COP1: variants seen among roughly 807,000 people sequenced by gnomAD.
COP1 encodes E3 ubiquitin-protein ligase COP1.
In COP1, 24 loss-of-function variants were observed where a neutral mutation model predicts 101.3. The ratio of observed to expected loss-of-function variants is 0.24; its 90% CI spans 0.17 to 0.33. The LOEUF is 0.33. Ranked by LOEUF, COP1 falls within the 10% of genes least tolerant of loss-of-function variation. COP1 has a pLI of 1.00. For synonymous variants in COP1, 347 were observed against 341.9 expected (o/e 1.01, Z -0.17); for missense variants, 663 against 906.2 (o/e 0.73, Z 3.45).
At chr1:176,141,025 T>C (rs1313710720) in intron 6 of COP1, among the ~76,000 whole-genome samples, 1 of 152,182 alleles carries the variant, frequency 6.6e-6, no homozygotes, top group East Asian at 1.9e-4. Flanking sequence ...TGATAATGGA[T>C]TTGGTGCAGG....
chr1:176,105,299 G>A (rs1303223545), intron 9 of COP1, among the ~76,000 whole-genome samples: 1 of 152,008 alleles, frequency 6.6e-6, no homozygotes, highest in African/African-American at 2.4e-5. Flanking sequence ...AAAGTGGGGT[G>A]AAATACAAAT....
At chr1:175,948,961 G>A (rs964631977) in intron 18 of COP1, among the ~76,000 whole-genome samples, 24 of 151,830 alleles carry the variant, frequency 1.6e-4, no homozygotes, top group African/African-American at 5.8e-4. Flanking sequence ...TCAGAAGATC[G>A]AGACCATCCT....
rs141142668 is a variant in COP1 at position 176,125,002 on chromosome 1, A to G, written c.969-8321T>C. 5.1e-3 allele frequency among the ~76,000 whole-genome samples: 771 copies of G among 152,204 alleles called. 9 individuals are homozygous for G. Among genetic ancestry groups the G allele is most frequent in the African/African-American group, 0.017 (723 of 41,516 alleles). On this transcript the variant is annotated intron_variant, in intron 8 of 19. Coordinates refer to ENST00000367669, the MANE Select transcript of COP1 (RefSeq NM_022457.7). Reference sequence around the variant, plus strand: ...ATATTTCATTGTAGTTGTGATTTGCATTTCTGATGATCAATGATGTTGAAC... The same window carrying G: ...ATATTTCATTGTAGTTGTGATTTGCGTTTCTGATGATCAATGATGTTGAAC...
intron 18 of COP1, among the ~76,000 whole-genome samples, chr1:175,952,752 T>TA (rs566382438): frequency 3.3e-4 from 49 of 150,712 alleles, no homozygotes; most frequent in South Asian, 1.0e-3. Context: ...CTACTAAAAA[T>TA]AAAAAAAAAC....
At chr1:175,961,017 T>C (rs1651272962) in intron 18 of COP1, among the ~76,000 whole-genome samples, 1 of 152,180 alleles carries the variant, frequency 6.6e-6, no homozygotes, top group African/African-American at 2.4e-5. Context: ...ATTTGCTTCC[T>C]CTCTCCTGGA....
intron 1 of COP1, among the ~76,000 whole-genome samples, chr1:176,196,024 C>T (rs1288753996): frequency 6.6e-6 from 1 of 152,130 alleles, no homozygotes; most frequent in Non-Finnish European, 1.5e-5. Flanking sequence ...AATTAAACAA[C>T]ATACTTCTGA....
intron 1 of COP1, among the ~76,000 whole-genome samples, chr1:176,204,911 G>C (rs1288670235): frequency 6.6e-6 from 1 of 152,154 alleles, no homozygotes. Context: ...CTGAGTGACA[G>C]AGCAAGACTC....
intron 11 of COP1, among the ~76,000 whole-genome samples, chr1:176,055,184 A>G (rs7534058): frequency 0.4 from 60,655 of 152,152 alleles, 12,308 homozygotes; most frequent in Middle Eastern, 0.45. Context: ...CTGTAATCCC[A>G]TCACTTCGGG....
At chr1:176,089,318 A>AACAAC (rs1680857468) in intron 9 of COP1, among the ~76,000 whole-genome samples, 1 of 151,824 alleles carries the variant, frequency 6.6e-6, no homozygotes, top group South Asian at 2.1e-4. Context: ...CAACAACAAC[A>AACAAC]ACAACAACAA....
At chr1:176,028,215 T>TGAATAACA (rs1668010270) in intron 14 of COP1, among the ~76,000 whole-genome samples, 1 of 152,058 alleles carries the variant, frequency 6.6e-6, no homozygotes, top group Non-Finnish European at 1.5e-5. Context: ...ACTGAATGAC[T>TGAATAACA]GAATAACAGA....
At chr1:176,073,750 G>T (rs1342059790) in intron 11 of COP1, among the ~76,000 whole-genome samples, 1 of 152,028 alleles carries the variant, frequency 6.6e-6, no homozygotes, top group Non-Finnish European at 1.5e-5. Flanking sequence ...TGGACTGAAG[G>T]GTATGGTCTT....
chr1:176,089,809 T>G (rs1680951071), intron 9 of COP1, among the ~76,000 whole-genome samples: 1 of 152,236 alleles, frequency 6.6e-6, no homozygotes, highest in Non-Finnish European at 1.5e-5. Context: ...TGACTCTGAA[T>G]AATGTCACGA....
chr1:176,192,993 G>A (rs1699278591), intron 1 of COP1, among the ~76,000 whole-genome samples: 1 of 152,098 alleles, frequency 6.6e-6, no homozygotes, highest in South Asian at 2.1e-4. Flanking sequence ...CCTAAACACT[G>A]TATATTGCAT....
At position 176,011,662 on chromosome 1, in the gene COP1, T is replaced by A. The variant is rs368762781; in HGVS notation, c.1729+15910A>T. Among the ~76,000 whole-genome samples the A allele has an allele frequency of 4.6e-5, 7 of 152,264 alleles. No individual in the cohort carries two copies. The South Asian group carries it at 1.2e-3, about 27-fold the overall frequency. ...GTAACTGTTTTATGGCTAGAGAGAA[T>A]TTAGAAATATAACACACATAGACAT... On this transcript the variant is annotated intron_variant, in intron 15 of 19. Coordinates refer to ENST00000367669, the MANE Select transcript of COP1 (RefSeq NM_022457.7).
Position 176,063,047 on chromosome 1 carries a change from G to GTTTTTT in COP1, c.1278-16729_1278-16724dup, listed in dbSNP as rs34464104. ...GGTGGAAGAGAAAATTTTTGAAAAT[G>GTTTTTT]TTTTTTTTTTTTTTTTTTTTTTTGA... On this transcript the variant is annotated intron_variant, in intron 11 of 19. Transcript: ENST00000367669. Among the ~76,000 whole-genome samples, 164 of 90,594 alleles carry GTTTTTT rather than the reference G, an allele frequency of 1.8e-3. 4 individuals carry two copies. Among genetic ancestry groups the GTTTTTT allele is most frequent in the Non-Finnish European group, 2.2e-3 (114 of 50,938 alleles). The allele number at this position is 90,594 out of a possible 152,430, so 59.4% of individuals were successfully genotyped here.
intron 2 of COP1, among the ~76,000 whole-genome samples, chr1:176,179,751 ATT>A (rs1016174437): frequency 1.3e-5 from 2 of 151,960 alleles, no homozygotes; most frequent in African/African-American, 4.8e-5. Context: ...CAGAAAAAAA[ATT>A]TTTTGTCAAT....
rs142111295 is a variant in COP1, at chr1:176,185,723, T to C, written c.408-1031A>G. ...AGGAAGAAAGGAGGATACTGGTTCC[T>C]GGATGAAATCCTTGAGCAGCTGCAT... On this transcript the variant is annotated intron_variant, in intron 1 of 19. Transcript: ENST00000367669. Among the ~76,000 whole-genome samples the C allele has an allele frequency of 2.6e-3, 398 of 152,364 alleles. 3 individuals carry two copies. Among genetic ancestry groups the C allele is most frequent in the African/African-American group, 9.1e-3 (380 of 41,580 alleles).
intron 18 of COP1, among the ~76,000 whole-genome samples, chr1:175,982,025 C>T (rs1280806961): frequency 6.6e-6 from 1 of 151,774 alleles, no homozygotes; most frequent in Non-Finnish European, 1.5e-5. Flanking sequence ...TGAAAGATAA[C>T]AAGCGTTGGC....
At chr1:176,130,391 A>G (rs1213219983) in intron 8 of COP1, among the ~76,000 whole-genome samples, 1 of 151,744 alleles carries the variant, frequency 6.6e-6, no homozygotes, top group African/African-American at 2.4e-5. Context: ...ACACACAACT[A>G]TGCAACAATA....
Sources: gnomAD v4.1 joint callset for allele counts (sites outside exome capture counted in the v4.1 genomes callset) on GRCh38, gnomAD v4.1.1 for gene constraint, MANE v1.5 for transcripts, NCBI Gene and HGNC (gene_info 2026-07-23, HGNC 2026-07-21) for gene names.